Variants in GON4L observed in about 807,000 individuals in gnomAD.
GON4L encodes GON-4-like protein.
A neutral mutation model predicts 211.8 loss-of-function variants in GON4L; 87 were observed. The observed-to-expected ratio is 0.41, with a 90% CI of 0.35 to 0.49. The LOEUF is 0.49. Among genes scored for constraint, GON4L ranks in the 20% least tolerant of loss-of-function variants. GON4L has a pLI of 0.15. For synonymous variants in GON4L, 875 were observed against 962.6 expected (o/e 0.91, Z 1.68); for missense variants, 2,155 against 2,659.5 (o/e 0.81, Z 4.17).
upstream of GON4L, among the ~76,000 whole-genome samples, chr1:155,859,113 A>G (rs942453884): frequency 6.6e-6 from 1 of 152,190 alleles, no homozygotes; most frequent in African/African-American, 2.4e-5. Flanking sequence ...GCCAAAAAAA[A>G]AAGTTCTGTA....
chr1:155,853,356 G>C lies in GON4L; in HGVS notation c.425C>G (p.Thr142Ser). The change falls in exon 2 of 32, where the codon ACC becomes AGC. Residue 142 changes from threonine (T) to serine (S), a missense_variant. By Grantham distance (58) the Thr-to-Ser change is moderately conservative. Coordinates refer to ENST00000368331, the MANE Select transcript of GON4L (RefSeq NM_001282860.2). Reference sequence around the variant, plus strand: ...AAGATGATCACATCTGTCTTCTTGGGTAACTGGCCCAGGCCTGAGTGTCAT... The same window carrying C: ...AAGATGATCACATCTGTCTTCTTGGCTAACTGGCCCAGGCCTGAGTGTCAT... ...KKMTLRPGPV[T>S]QEDRCDHLTL... is the part of the protein sequence containing the mutation. 1 of 1,614,084 alleles carries C rather than the reference G, an allele frequency of 6.2e-7. No homozygotes were observed. Among genetic ancestry groups the C allele is most frequent in the Non-Finnish European group, 8.5e-7 (1 of 1,179,942 alleles).
chr1:155,813,551 T>C (rs1475453867), intron 10 of GON4L, 83 bp downstream of exon 10: 4 of 1,010,812 alleles, frequency 4.0e-6, no homozygotes, highest in Non-Finnish European at 6.3e-6. Context: ...ATTGTAGTTA[T>C]CTTTTCCTCT....
intron 10 of GON4L, among the ~76,000 whole-genome samples, chr1:155,806,049 A>G (rs1317715131): frequency 1.4e-5 from 2 of 144,276 alleles, no homozygotes; most frequent in Non-Finnish European, 3.0e-5. Flanking sequence ...CAGCACTGGC[A>G]CAATCAGAGC....
chr1:155,821,068 C>T (rs755872889), intron 5 of GON4L, among the ~76,000 whole-genome samples: 16 of 152,012 alleles, frequency 1.1e-4, no homozygotes, highest in African/African-American at 1.7e-4. Flanking sequence ...AGATCGAGAC[C>T]GTCCTGGCTA....
chr1:155,811,754 C>A (rs1180075982), intron 10 of GON4L, among the ~76,000 whole-genome samples: 124 of 33,036 alleles, frequency 3.8e-3, no homozygotes, highest in African/African-American at 8.1e-3. Flanking sequence ...GACTCTGTCT[C>A]AAAAAAAAAA....
At chr1:155,773,842 T>C (rs1663476403) in intron 17 of GON4L, among the ~76,000 whole-genome samples, 1 of 152,182 alleles carries the variant, frequency 6.6e-6, no homozygotes, top group Admixed American at 6.6e-5. Flanking sequence ...TATTTTTATA[T>C]CCCCAGAAGA....
chr1:155,801,659 G>A (rs1030901255), intron 11 of GON4L, among the ~76,000 whole-genome samples: 1 of 152,072 alleles, frequency 6.6e-6, no homozygotes, highest in African/African-American at 2.4e-5. Flanking sequence ...AAGGAGGGTG[G>A]ATCACCTGAG....
chr1:155,804,916 A>C, intron 11 of GON4L, 33 bp downstream of exon 11: 1 of 1,458,424 alleles, frequency 6.9e-7, no homozygotes, highest in Non-Finnish European at 9.6e-7. Flanking sequence ...GATAATGGAC[A>C]GTATACATAA....
Position 155,750,350 on chromosome 1 carries a change from C to T in GON4L, c.*234G>A, listed in dbSNP as rs1660447268. On this transcript the variant is annotated 3_prime_UTR_variant, in exon 32 of 32. Transcript: ENST00000368331. ...AGAGAAAGGAGCTGAACTCCACTCT[C>T]GATGCTATTTACAGAGGACATCTGT... 4.6e-6 allele frequency: 3 copies of T among 652,244 alleles called. No homozygotes were observed. The highest frequency in any genetic ancestry group is 8.0e-6 in the Non-Finnish European group (3 of 373,920). The allele number at this position is 652,244 out of a possible 1,614,324, so 40.4% of individuals were successfully genotyped here.
downstream of GON4L, chr1:155,745,825 C>T (rs1412871414): frequency 3.2e-6 from 2 of 626,140 alleles, no homozygotes; most frequent in Non-Finnish European, 2.9e-6. Context: ...TGGAGCAGCG[C>T]AGTATGGCGG....
chr1:155,773,400 T>C, intron 17 of GON4L, 190 bp from the exon 18 acceptor site: 1 of 607,624 alleles, frequency 1.6e-6, no homozygotes. Context: ...GGGAGTCCCA[T>C]TCAATGGCAA....
chr1:155,823,991 T>C (rs1668952904), intron 3 of GON4L, among the ~76,000 whole-genome samples: 3 of 152,126 alleles, frequency 2.0e-5, no homozygotes, highest in Non-Finnish European at 2.9e-5. Context: ...CAAAAGAATT[T>C]TAAGGATGCC....
In GON4L at chr1:155,765,406, A is replaced by C; in HGVS notation, c.4067T>G (p.Leu1356Trp). ...CTCCTCGCTTGGGGCACCAGTGTCC[A>C]ATTCCACAGCATGTTCCACTTTGAT... Reference protein sequence around the residue: ...DDIKVEHAVELDTGAPSEELS... With the variant: ...DDIKVEHAVEWDTGAPSEELS... Residue 1356 changes from leucine to tryptophan, a missense_variant, in exon 21 of 32, where the codon TTG becomes TGG. Around this residue, in one of 6 missense-constraint regions of GON4L, gnomAD observed 615 missense variants for 625.7 expected, o/e 0.98. Transcript: ENST00000368331. 2 of 1,614,168 alleles carry C rather than the reference A, an allele frequency of 1.2e-6. No homozygotes were observed. Among genetic ancestry groups the C allele is most frequent in the Non-Finnish European group, 1.7e-6 (2 of 1,180,020 alleles).
At chr1:155,813,227 T>C (rs1458960524) in intron 10 of GON4L, among the ~76,000 whole-genome samples, 1 of 151,612 alleles carries the variant, frequency 6.6e-6, no homozygotes. Context: ...AGCCCAGGAG[T>C]TCAATACCAG....
intron 27 of GON4L, among the ~76,000 whole-genome samples, chr1:155,755,699 T>G (rs1368599677): frequency 6.6e-6 from 1 of 152,160 alleles, no homozygotes; most frequent in Non-Finnish European, 1.5e-5. Context: ...ACTGGAGAGC[T>G]CCATCATGAG....
intron 2 of GON4L, 152 bp from the exon 3 acceptor site, chr1:155,827,180 C>T (rs994679832): frequency 1.5e-6 from 1 of 677,550 alleles, no homozygotes. Context: ...AATCAAAGCT[C>T]AGATCCAATT....
intron 27 of GON4L, among the ~76,000 whole-genome samples, chr1:155,755,067 ATT>A (rs1231154456): frequency 1.1e-4 from 14 of 125,098 alleles, no homozygotes; most frequent in Admixed American, 2.4e-4. Context: ...CGCCTAGCTA[ATT>A]TTTTTTTTTT....
At position 155,826,910 on chromosome 1, in the gene GON4L, T is replaced by G. The variant is rs763587056; in HGVS notation, c.624A>C (p.Gln208His). The G allele has an allele frequency of 6.2e-7, 1 of 1,614,020 alleles. No individual in the cohort carries two copies. The highest frequency in any genetic ancestry group is 1.1e-5 in the South Asian group (1 of 91,082). ...GAAACAGAGTCCTGAGTGGCTTTTC[T>G]TGAGGAGAGGCACAAACATCTGGCT... The part of the protein sequence containing the change: ...STQPDVCASP[Q>H]EKPLRTLFHQ... Residue 208 changes from glutamine (Q) to histidine (H), a missense_variant, in exon 3 of 32, where the codon CAA becomes CAC. Physicochemically the swap from Gln to His is conservative, Grantham distance 24 (BLOSUM62 0). This residue lies in a region of GON4L where 313 missense variants were observed against 293.2 expected (regional missense o/e 1.07). Transcript: ENST00000368331.
intron 14 of GON4L, among the ~76,000 whole-genome samples, chr1:155,780,090 C>T (rs1413701741): frequency 6.6e-6 from 1 of 152,070 alleles, no homozygotes; most frequent in African/African-American, 2.4e-5. Context: ...TGAGCCACTG[C>T]ACCCAGCCAG....
Sources: gnomAD v4.1 joint callset for allele counts (sites outside exome capture counted in the v4.1 genomes callset) on GRCh38, gnomAD v4.1.1 for gene constraint, gnomAD v4.1.1 regional missense constraint, MANE v1.5 for transcripts, NCBI Gene and HGNC (gene_info 2026-07-23, HGNC 2026-07-21) for gene names.